NR5A2: variants seen among roughly 807,000 people sequenced by gnomAD.
NR5A2 encodes the protein nuclear receptor subfamily 5 group A member 2.
NR5A2 carries 26 observed loss-of-function variants against 62.7 expected under a neutral mutation model. That is an observed-to-expected ratio of 0.41 (90% CI 0.30 to 0.58). The LOEUF (loss-of-function observed/expected upper bound fraction) is 0.58. Among genes scored for constraint, NR5A2 ranks in the 20% least tolerant of loss-of-function variants. NR5A2 has a pLI of 0.22. For synonymous variants in NR5A2, 246 were observed against 241.7 expected, an observed-to-expected ratio of 1.02 and a Z score of -0.16; for missense variants, 541 against 669.1, an observed-to-expected ratio of 0.81 and a Z score of 2.11.
At chr1:200,065,099 G>C (rs1663407582) in intron 5 of NR5A2, among the ~76,000 whole-genome samples, 1 of 150,506 alleles carries the variant, frequency 6.6e-6, no homozygotes, top group South Asian at 2.1e-4. Flanking sequence ...GATTTCTTCA[G>C]TATAACATTC....
At chr1:200,163,929 C>T (rs1231692094) in intron 7 of NR5A2, among the ~76,000 whole-genome samples, 1 of 152,060 alleles carries the variant, frequency 6.6e-6, no homozygotes, top group Non-Finnish European at 1.5e-5. Context: ...GAACTGTAAT[C>T]CCCAATGCTG....
chr1:200,038,251 C>T (rs61819899), intron 1 of NR5A2, among the ~76,000 whole-genome samples: 1 of 152,150 alleles, frequency 6.6e-6, no homozygotes, highest in East Asian at 1.9e-4. Context: ...TGAAAAAGTA[C>T]AGCCTGGACT....
intron 5 of NR5A2, among the ~76,000 whole-genome samples, chr1:200,059,451 A>AG (rs1663085079): frequency 6.6e-6 from 1 of 152,186 alleles, no homozygotes; most frequent in South Asian, 2.1e-4. Context: ...GAGAATAATT[A>AG]GGGTCCCTGC....
Position 200,174,244 on chromosome 1 carries a change from A to T in NR5A2, c.*34A>T. 4 of 1,500,216 alleles carry T rather than the reference A, an allele frequency of 2.7e-6. No homozygotes were observed. The highest frequency in any genetic ancestry group is 3.6e-6 in the Non-Finnish European group (4 of 1,123,392). The allele number at this position is 1,500,216 out of a possible 1,614,324, so 92.9% of individuals were successfully genotyped here. On this transcript the variant is annotated 3_prime_UTR_variant, in exon 8 of 8. Transcript: ENST00000367362. ...CCCTAGGAGCTCTGCTTTCAAAACA[A>T]AAAGAGATTGGGGGAGTGGGGAGGG...
At position 200,039,193 on chromosome 1, in the gene NR5A2, G is replaced by A. The variant is rs1661927973; in HGVS notation, c.65-465G>A. ...GGGCGGAGAGGAGGGGAGAGAGAAG[G>A]GAGGCGAGAGAAAGAGGAGAGAGAC... On this transcript the variant is annotated intron_variant, in intron 1 of 7. Transcript: ENST00000367362. The surrounding 1 kb of genome is among the most constrained non-coding windows in gnomAD (Gnocchi z 5.1). Among the ~76,000 whole-genome samples the A allele has an allele frequency of 6.6e-6, 1 of 152,102 alleles. No individual in the cohort carries two copies. The highest frequency in any genetic ancestry group is 1.5e-5 in the Non-Finnish European group (1 of 68,004).
chr1:200,109,908 G>A (rs1460019893), intron 5 of NR5A2, among the ~76,000 whole-genome samples: 1 of 152,166 alleles, frequency 6.6e-6, no homozygotes, highest in Non-Finnish European at 1.5e-5. Flanking sequence ...GGGATTACAG[G>A]TGTGCACAAC....
rs143848463 is a variant in NR5A2 at position 200,084,982 on chromosome 1, A to G, written c.1111-26220A>G. ...CGTTTGTACCGGATCTGATTCTTCC[A>G]GATTAAATGACTTGTTGAAACTTGA... On this transcript the variant is annotated intron_variant, in intron 5 of 7. Coordinates refer to ENST00000367362, the MANE Select transcript of NR5A2 (RefSeq NM_205860.3). Among the ~76,000 whole-genome samples the G allele has an allele frequency of 9.6e-4, 146 of 152,334 alleles. 2 individuals are homozygous for G. Among genetic ancestry groups the G allele is most frequent in the Non-Finnish European group, 8.8e-5 (6 of 68,028 alleles).
chr1:200,111,461 T>C (rs1207930395), intron 6 of NR5A2, 140 bp downstream of exon 6: 2 of 874,210 alleles, frequency 2.3e-6, no homozygotes, highest in African/African-American at 3.4e-5. Context: ...AAAGATGACT[T>C]GGTGCACTCT....
intron 7 of NR5A2, among the ~76,000 whole-genome samples, chr1:200,131,580 G>A (rs1441694895): frequency 4.6e-5 from 7 of 152,172 alleles, no homozygotes; most frequent in Non-Finnish European, 8.8e-5. Flanking sequence ...ATGTGCTCTT[G>A]GTTGATGTTT....
intron 7 of NR5A2, among the ~76,000 whole-genome samples, chr1:200,171,738 ACT>A (rs1654190068): frequency 6.6e-6 from 1 of 152,134 alleles, no homozygotes; most frequent in Non-Finnish European, 1.5e-5. Context: ...ACAGAGCAAG[ACT>A]CTGTCTCAAA....
intron 6 of NR5A2, among the ~76,000 whole-genome samples, chr1:200,113,102 T>C (rs1006262698): frequency 3.3e-5 from 5 of 152,266 alleles, no homozygotes; most frequent in Non-Finnish European, 7.3e-5. Flanking sequence ...GATGGTATTA[T>C]AGTTTTTTGG....
intron 7 of NR5A2, among the ~76,000 whole-genome samples, chr1:200,152,528 C>T (rs2102366099): frequency 6.6e-6 from 1 of 152,128 alleles, no homozygotes; most frequent in East Asian, 1.9e-4. Context: ...CAGTAACAAA[C>T]AGGAAACAAA....
At chr1:200,171,484 C>T (rs1195307797) in intron 7 of NR5A2, among the ~76,000 whole-genome samples, 1 of 152,180 alleles carries the variant, frequency 6.6e-6, no homozygotes, top group Non-Finnish European at 1.5e-5. Context: ...CGCAGTAGCT[C>T]ACGCCTGTAA....
At chr1:200,100,806 A>C (rs534222829) in intron 5 of NR5A2, among the ~76,000 whole-genome samples, 2 of 152,222 alleles carry the variant, frequency 1.3e-5, no homozygotes, top group Admixed American at 1.3e-4. Context: ...TAGTAGGAGA[A>C]GATGTTTTGC....
intron 5 of NR5A2, among the ~76,000 whole-genome samples, chr1:200,081,433 A>G (rs1317982077): frequency 1.3e-5 from 2 of 152,252 alleles, no homozygotes; most frequent in African/African-American, 4.8e-5. Context: ...AAATCAAAGC[A>G]TACCACATAA....
Position 200,048,127 on chromosome 1 carries a change from C to G in NR5A2, c.464-45C>G. 1 of 1,501,350 alleles carries G rather than the reference C, an allele frequency of 6.7e-7. No homozygotes were observed. Among genetic ancestry groups the G allele is most frequent in the South Asian group, 1.3e-5 (1 of 76,562 alleles). The allele number at this position is 1,501,350 out of a possible 1,614,324, so 93.0% of individuals were successfully genotyped here. On this transcript the variant is annotated intron_variant, in intron 4 of 7. Transcript: ENST00000367362. This position sits in a 1 kb window ranked among gnomAD's most constrained non-coding sequence, Gnocchi z 4.8. ...TCTGAAGAATGCTAATAATTTGCAC[C>G]TTATTTATACCTTTCCTTCCTTCCC...
chr1:200,171,017 A>C (rs1469619199), intron 7 of NR5A2, among the ~76,000 whole-genome samples: 2 of 152,220 alleles, frequency 1.3e-5, no homozygotes, highest in Non-Finnish European at 2.9e-5. Context: ...GCTGAACTAA[A>C]GCATATCCCT....
chr1:200,148,112 C>A, intron 7 of NR5A2: 1 of 310,776 alleles, frequency 3.2e-6, no homozygotes, highest in Non-Finnish European at 5.8e-6. Context: ...ACTGCTGCAC[C>A]TTCTCAAAGT....
intron 5 of NR5A2, among the ~76,000 whole-genome samples, chr1:200,052,403 C>T (rs1448070652): frequency 3.9e-5 from 6 of 152,154 alleles, no homozygotes; most frequent in Non-Finnish European, 2.9e-5. Context: ...CCAGGCTAGT[C>T]TCAAACTCCT....
Sources: allele counts gnomAD v4.1 joint callset (sites outside exome capture counted in the v4.1 genomes callset), GRCh38; gene constraint gnomAD v4.1.1; non-coding constraint Gnocchi (gnomAD v3.1); transcripts MANE v1.5; gene names NCBI Gene and HGNC (gene_info 2026-07-23, HGNC 2026-07-21).